The following DCAF5 variants were observed in gnomAD, a reference collection of about 807,000 sequenced individuals.
DCAF5 encodes the protein DDB1- and CUL4-associated factor 5.
In DCAF5, 9 loss-of-function variants were observed where a neutral mutation model predicts 80.7. The observed-to-expected ratio is 0.11, with a 90% confidence interval of 0.07 to 0.19. DCAF5 has a LOEUF of 0.19. Among genes scored for constraint, DCAF5 ranks in the 10% least tolerant of loss-of-function variants. The pLI is 1.00. For synonymous variants in DCAF5, 433 were observed against 461.9 expected, an observed-to-expected ratio of 0.94 and a Z score of 0.80; for missense variants, 842 against 1,205.7, an observed-to-expected ratio of 0.70 and a Z score of 4.47.
intron 6 of DCAF5, chr14:69,091,096 T>C: frequency 1.3e-6 from 1 of 757,732 alleles, no homozygotes; most frequent in Non-Finnish European, 2.4e-6. Context: ...TCTCCATTCC[T>C]GGTGAGACTC....
chr14:69,059,405 G>A (rs2038115768), intron 8 of DCAF5, among the ~76,000 whole-genome samples: 1 of 152,184 alleles, frequency 6.6e-6, no homozygotes, highest in Non-Finnish European at 1.5e-5. Flanking sequence ...AGAATGTGGT[G>A]GCTAACGCTC....
At chr14:69,120,245 G>C (rs2040675790) in intron 2 of DCAF5, among the ~76,000 whole-genome samples, 1 of 151,848 alleles carries the variant, frequency 6.6e-6, no homozygotes, top group Non-Finnish European at 1.5e-5. Context: ...CACTATGCCT[G>C]GCTAATTAAA....
intron 5 of DCAF5, among the ~76,000 whole-genome samples, chr14:69,101,475 T>C (rs898848533): frequency 5.3e-5 from 8 of 152,202 alleles, no homozygotes; most frequent in Non-Finnish European, 1.2e-4. Flanking sequence ...AACTGCCCTC[T>C]ACTGGGGAGA....
intron 6 of DCAF5, chr14:69,084,693 A>G (rs984664092): frequency 1.3e-5 from 17 of 1,285,742 alleles, no homozygotes; most frequent in Non-Finnish European, 1.8e-5. Flanking sequence ...ATGTCCGTGA[A>G]ATACCACTAT....
intron 1 of DCAF5, among the ~76,000 whole-genome samples, chr14:69,146,230 A>G (rs2041533313): frequency 6.6e-6 from 1 of 152,226 alleles, no homozygotes; most frequent in Non-Finnish European, 1.5e-5. Flanking sequence ...CCTTTGAACA[A>G]TACTGAGCAC....
chr14:69,139,660 G>A (rs1041195195), intron 1 of DCAF5, among the ~76,000 whole-genome samples: 5 of 151,460 alleles, frequency 3.3e-5, no homozygotes, highest in Admixed American at 6.6e-5. Flanking sequence ...CTAAAAACAC[G>A]AAAAAATTAG....
rs772390014 is a variant in DCAF5 at position 69,054,006 on chromosome 14, T to C, written c.2680A>G (p.Asn894Asp). 5.0e-6 allele frequency: 8 copies of C among 1,612,476 alleles called. No individual in the cohort carries two copies. The East Asian group carries it at 1.8e-4, about 36-fold the overall frequency. Residue 894 changes from asparagine (N) to aspartate (D), a missense_variant, in exon 9 of 9, where the codon AAT becomes GAT. By Grantham distance (23) the Asn-to-Asp change is conservative (BLOSUM62 1). This residue lies in a region of DCAF5 where 607 missense variants were observed against 656.6 expected (regional missense o/e 0.92). Coordinates refer to ENST00000341516, the MANE Select transcript of DCAF5 (RefSeq NM_003861.3). Reference sequence around the variant, plus strand: ...GTGGGGTCCTCTCTTGTTCCAGCATTGGGGGTCTCACAGGCCATTTCAGAC... The same window carrying C: ...GTGGGGTCCTCTCTTGTTCCAGCATCGGGGGTCTCACAGGCCATTTCAGAC... The part of the protein sequence containing the change: ...CGSEMACETP[N>D]AGTREDPTDT...
Position 69,118,090 on chromosome 14 carries a change from C to T in DCAF5, c.535+49G>A. On this transcript the variant is annotated intron_variant, in intron 4 of 8. Coordinates refer to ENST00000341516, the MANE Select transcript of DCAF5 (RefSeq NM_003861.3). This position sits in a 1 kb window ranked among gnomAD's most constrained non-coding sequence, Gnocchi z 4.0. ...TAAATTGGATCTTCAATGAATCTGA[C>T]ATCAAACTGTTCAACACAGTCCAAC... is the stretch of plus-strand genomic sequence containing the variant. 3 of 1,605,188 alleles carry T rather than the reference C, an allele frequency of 1.9e-6. No individual in the cohort carries two copies. Among genetic ancestry groups the T allele is most frequent in the Non-Finnish European group, 2.6e-6 (3 of 1,173,500 alleles).
chr14:69,123,456 C>G (rs1248262533), intron 1 of DCAF5, among the ~76,000 whole-genome samples: 1 of 152,174 alleles, frequency 6.6e-6, no homozygotes, highest in African/African-American at 2.4e-5. Context: ...ATAAAAGAAG[C>G]TGTTTATAGT....
chr14:69,076,640 A>T (rs1012772279), intron 6 of DCAF5, among the ~76,000 whole-genome samples: 1 of 152,204 alleles, frequency 6.6e-6, no homozygotes. Flanking sequence ...GAGAATGAAG[A>T]GTTAGCGTTT....
rs374714838 is a variant in DCAF5 at position 69,118,653 on chromosome 14, A to G, written c.396-375T>C. 6.6e-6 allele frequency among the ~76,000 whole-genome samples: 1 copy of G among 152,190 alleles called. No individual in the cohort carries two copies. The highest frequency in any genetic ancestry group is 2.1e-4 in the South Asian group (1 of 4,832). On this transcript the variant is annotated intron_variant, in intron 3 of 8. Transcript: ENST00000341516. This position sits in a 1 kb window ranked among gnomAD's most constrained non-coding sequence, Gnocchi z 4.0. The stretch of plus-strand genomic sequence containing the variant: ...AGCAGCCAAGTCTGATGCCTACAGG[A>G]TGGGAGAGGGGTCTCCTAGCAATCT...
chr14:69,073,833 T>C (rs2038796910), intron 7 of DCAF5, among the ~76,000 whole-genome samples: 1 of 152,178 alleles, frequency 6.6e-6, no homozygotes, highest in African/African-American at 2.4e-5. Flanking sequence ...CTTTTCAAGA[T>C]CAGGTAAAAG....
At chr14:69,064,250 A>G (rs2038345609) in intron 7 of DCAF5, among the ~76,000 whole-genome samples, 1 of 152,180 alleles carries the variant, frequency 6.6e-6, no homozygotes, top group South Asian at 2.1e-4. Context: ...CTTTGGGTCT[A>G]TTTCTTCTAG....
chr14:69,141,686 G>A (rs887949774), intron 1 of DCAF5, among the ~76,000 whole-genome samples: 1 of 152,288 alleles, frequency 6.6e-6, no homozygotes, highest in African/African-American at 2.4e-5. Context: ...AACAAGGCAG[G>A]CAGGTGACGT....
intron 4 of DCAF5, 56 bp from the exon 5 acceptor site, chr14:69,116,551 G>A: frequency 8.8e-6 from 14 of 1,586,226 alleles, no homozygotes; most frequent in Non-Finnish European, 1.2e-5. Context: ...GCCACTGGCA[G>A]GCAGATAATC....
Position 69,054,663 on chromosome 14 carries a change from A to T in DCAF5, c.2023T>A (p.Ser675Thr), listed in dbSNP as rs1436332254. 1 of 1,614,132 alleles carries T rather than the reference A, an allele frequency of 6.2e-7. No individual in the cohort carries two copies. Among genetic ancestry groups the T allele is most frequent in the Non-Finnish European group, 8.5e-7 (1 of 1,180,012 alleles). The change falls in exon 9 of 9, where the codon TCA (serine) becomes ACA (threonine). Residue 675 changes from serine to threonine, a missense_variant. Physicochemically the swap from Ser to Thr is moderately conservative, Grantham distance 58. Transcript: ENST00000341516. ...KWLRYSYISY[S>T]NNKDGETSLV... ...GAGGTCTCTCCATCTTTGTTATTTG[A>T]GTAGGAGATATAAGAGTAGCGGAGC... is the stretch of plus-strand genomic sequence containing the variant.
chr14:69,151,888 C>A (rs1364906286), intron 1 of DCAF5, among the ~76,000 whole-genome samples: 3 of 152,332 alleles, frequency 2.0e-5, no homozygotes, highest in Non-Finnish European at 4.4e-5. Flanking sequence ...CGCCACTTTC[C>A]CCAAACCAGA....
Position 69,062,489 on chromosome 14 carries a change from G to A in DCAF5, c.969C>T (p.Asn323=), listed in dbSNP as rs760949809. 100 of 1,613,004 alleles carry A rather than the reference G, an allele frequency of 6.2e-5. No homozygotes were observed. The highest frequency in any genetic ancestry group is 4.2e-4 in the Admixed American group (25 of 59,928). The part of the protein sequence containing the change: ...PEAGGIGRVV[N]GAFMVLKGHR... ...GCCCTTTCAGCACCATGAAGGCTCCGTTGACCACCCTACCAATGCCACCTG... is the reference window on the plus strand; with the variant it reads ...GCCCTTTCAGCACCATGAAGGCTCCATTGACCACCCTACCAATGCCACCTG... Residue 323 remains asparagine, a synonymous_variant, in exon 8 of 9, where the codon AAC becomes AAT. Transcript: ENST00000341516.
chr14:69,072,535 G>A (rs1566730591), intron 7 of DCAF5, among the ~76,000 whole-genome samples: 1 of 150,006 alleles, frequency 6.7e-6, no homozygotes, highest in Non-Finnish European at 1.5e-5. Context: ...TTTAGCCCAG[G>A]AGCTCAAGGC....
Sources: gnomAD v4.1 joint callset for allele counts (sites outside exome capture counted in the v4.1 genomes callset) on GRCh38, gnomAD v4.1.1 for gene constraint, gnomAD v4.1.1 regional missense constraint, Gnocchi (gnomAD v3.1) non-coding constraint, MANE v1.5 for transcripts, NCBI Gene and HGNC (gene_info 2026-07-23, HGNC 2026-07-21) for gene names.